Variants in QTMAN observed in about 807,000 individuals in gnomAD.
The protein encoded by QTMAN is queuosine-tRNA mannosyltransferase, also known as tRNA-queuosine alpha-mannosyltransferase.
chr2:144,108,270 G>GA, the QTMAN span, among the ~76,000 whole-genome samples: 7 of 152,154 alleles, frequency 4.6e-5, no homozygotes, highest in Non-Finnish European at 7.4e-5. Context: ...TCAGGCAGGA[G>GA]AAAGAAATAA....
At chr2:144,299,797 G>A in the QTMAN span, among the ~76,000 whole-genome samples, 1 of 152,150 alleles carries the variant, frequency 6.6e-6, no homozygotes, top group South Asian at 2.1e-4. Flanking sequence ...TGAAATCAGG[G>A]ACTTGAACAG....
chr2:144,216,651 G>A, the QTMAN span, among the ~76,000 whole-genome samples: 1 of 152,104 alleles, frequency 6.6e-6, no homozygotes, highest in Non-Finnish European at 1.5e-5. Flanking sequence ...AGAATTTATG[G>A]GAAATAATAA....
the QTMAN span, among the ~76,000 whole-genome samples, chr2:143,982,850 T>A: frequency 8.6e-6 from 1 of 116,126 alleles, no homozygotes. Flanking sequence ...CAAGACTCTG[T>A]CTCAAAAAAA....
chr2:143,959,113 T>G, the QTMAN span, among the ~76,000 whole-genome samples: 1 of 152,100 alleles, frequency 6.6e-6, no homozygotes, highest in Non-Finnish European at 1.5e-5. Flanking sequence ...AGTATCTAGC[T>G]AGACACTAAA....
the QTMAN span, among the ~76,000 whole-genome samples, chr2:144,171,214 G>A: frequency 3.3e-5 from 5 of 152,012 alleles, no homozygotes; most frequent in Admixed American, 2.6e-4. Context: ...TTATTATCAC[G>A]TCTGGCTGCT....
the QTMAN span, among the ~76,000 whole-genome samples, chr2:144,193,454 CAT>C: frequency 1.4e-4 from 21 of 147,508 alleles, no homozygotes; most frequent in East Asian, 2.0e-3. Flanking sequence ...ATATATAATG[CAT>C]ATATATGTTA....
the QTMAN span, among the ~76,000 whole-genome samples, chr2:143,994,127 G>C: frequency 1.6e-3 from 249 of 152,234 alleles, no homozygotes; most frequent in African/African-American, 5.8e-3. Context: ...TTGAAAGAAT[G>C]CCCTATATCA....
chr2:144,038,674 T>G, the QTMAN span, among the ~76,000 whole-genome samples: 8 of 152,198 alleles, frequency 5.3e-5, no homozygotes, highest in Non-Finnish European at 8.8e-5. Flanking sequence ...CATGAAATCT[T>G]GTGAAACAAA....
chr2:143,953,050 C>G, the QTMAN span, among the ~76,000 whole-genome samples: 2 of 151,764 alleles, frequency 1.3e-5, no homozygotes, highest in Non-Finnish European at 3.0e-5. Context: ...ACAGAACCAA[C>G]AGCATATGTT....
the QTMAN span, among the ~76,000 whole-genome samples, chr2:144,133,742 A>G: frequency 3.3e-5 from 5 of 150,486 alleles, no homozygotes; most frequent in East Asian, 9.8e-4. Flanking sequence ...ATAATCTATC[A>G]AAAGTTTTTT....
the QTMAN span, among the ~76,000 whole-genome samples, chr2:144,239,221 A>G: frequency 6.6e-6 from 1 of 152,220 alleles, no homozygotes; most frequent in Non-Finnish European, 1.5e-5. Context: ...CTATCAATAT[A>G]GAAACGTATT....
At chr2:144,136,649 T>C in the QTMAN span, among the ~76,000 whole-genome samples, 2 of 152,150 alleles carry the variant, frequency 1.3e-5, no homozygotes, top group Non-Finnish European at 2.9e-5. Context: ...ATTGGCTTCC[T>C]TTAGCATCTA....
At chr2:144,300,040 C>A in the QTMAN span, among the ~76,000 whole-genome samples, 14 of 152,310 alleles carry the variant, frequency 9.2e-5, no homozygotes, top group African/African-American at 3.1e-4. Context: ...CCGTATGATT[C>A]AACTTATATG....
At chr2:144,028,844 G>A in the QTMAN span, among the ~76,000 whole-genome samples, 3 of 152,186 alleles carry the variant, frequency 2.0e-5, no homozygotes, top group East Asian at 1.9e-4. Flanking sequence ...TATTTTGCTT[G>A]CAACACTAGA....
chr2:144,231,812 A>C, the QTMAN span, among the ~76,000 whole-genome samples: 2 of 151,772 alleles, frequency 1.3e-5, no homozygotes, highest in African/African-American at 4.8e-5. Flanking sequence ...AATATGCAAT[A>C]AACATTATTC....
chr2:144,006,853 C>CTGTG, the QTMAN span: 1 of 198,706 alleles, frequency 5.0e-6, no homozygotes, highest in African/African-American at 2.3e-5. Context: ...TTTGTGATAA[C>CTGTG]TGTGTGTGTG....
chr2:144,013,268 A>G, the QTMAN span, among the ~76,000 whole-genome samples: 1 of 152,156 alleles, frequency 6.6e-6, no homozygotes, highest in East Asian at 1.9e-4. Context: ...TTGTTTCCCA[A>G]GCTTACTGGA....
At chr2:143,994,637 G>A in the QTMAN span, among the ~76,000 whole-genome samples, 4 of 152,140 alleles carry the variant, frequency 2.6e-5, no homozygotes, top group East Asian at 3.9e-4. Context: ...GAAACCAGAC[G>A]TAAAAGACCA....
chr2:144,237,526 C>T, the QTMAN span, among the ~76,000 whole-genome samples: 3 of 152,168 alleles, frequency 2.0e-5, no homozygotes, highest in South Asian at 2.1e-4. Flanking sequence ...TAAAACCTGG[C>T]TGACAATACT....
Sources: allele counts gnomAD v4.1 joint callset (sites outside exome capture counted in the v4.1 genomes callset), GRCh38; gene constraint gnomAD v4.1.1; transcripts MANE v1.5; gene names NCBI Gene and HGNC (gene_info 2026-07-23, HGNC 2026-07-21).